Variants in HSF2 observed in about 807,000 individuals in gnomAD.
HSF2 encodes heat shock factor protein 2.
HSF2 carries 21 observed loss-of-function variants against 65.0 expected under a neutral mutation model. The ratio of observed to expected loss-of-function variants is 0.32; its 90% CI spans 0.23 to 0.47. HSF2 has a LOEUF of 0.47. Among genes scored for constraint, HSF2 ranks in the 20% least tolerant of loss-of-function variants. The pLI is 1.00. For synonymous variants in HSF2, 225 were observed against 219.1 expected (o/e 1.03, Z -0.24); for missense variants, 499 against 628.1 (o/e 0.79, Z 2.20).
intron 12 of HSF2, 114 bp downstream of exon 12, chr6:122,431,628 G>T: frequency 1.7e-6 from 1 of 571,746 alleles, no homozygotes; most frequent in African/African-American, 2.0e-5. Context: ...TGTGAATAGT[G>T]TGTCGAGGTT....
chr6:122,406,019 A>G (rs1773860593), intron 1 of HSF2, among the ~76,000 whole-genome samples: 1 of 152,216 alleles, frequency 6.6e-6, no homozygotes, highest in Admixed American at 6.5e-5. Flanking sequence ...AGCTGCCTCC[A>G]CTGCAGAAGC....
intron 10 of HSF2, among the ~76,000 whole-genome samples, chr6:122,426,659 AG>A (rs1253055343): frequency 1.3e-5 from 2 of 152,120 alleles, no homozygotes; most frequent in Admixed American, 6.6e-5. Context: ...GGAATTTTAT[AG>A]GACTACCATG....
chr6:122,428,011 G>GTC (rs34191077), intron 11 of HSF2, 55 bp downstream of exon 11: 155,675 of 1,133,418 alleles, frequency 0.14, 11,755 homozygotes, highest in East Asian at 0.18. Flanking sequence ...CTACAAAAAC[G>GTC]TCCTAATAAG....
At position 122,421,957 on chromosome 6, in the gene HSF2, A is replaced by G. The variant is rs575463122; in HGVS notation, c.682-193A>G. Among the ~76,000 whole-genome samples the G allele has an allele frequency of 2.6e-5, 4 of 152,246 alleles. No homozygotes were observed. The South Asian group carries it at 8.3e-4, about 32-fold the overall frequency. On this transcript the variant is annotated intron_variant, in intron 7 of 12. Coordinates refer to ENST00000368455, the MANE Select transcript of HSF2 (RefSeq NM_004506.4). Reference sequence around the variant, plus strand: ...TAGTAAAGTGTAGAATGCAGTTAATATACCTCATACCTCTGTGAATTGGTG... The same window carrying G: ...TAGTAAAGTGTAGAATGCAGTTAATGTACCTCATACCTCTGTGAATTGGTG...
Position 122,399,733 on chromosome 6 carries a change from T to C in HSF2, c.-5T>C. On this transcript the variant is annotated 5_prime_UTR_variant, in exon 1 of 13. Transcript: ENST00000368455. ...AGAATTTGGAATCCCTGCGCCGCGT[T>C]AACAATGAAGCAGAGTTCGAACGTG... The C allele has an allele frequency of 1.9e-6, 3 of 1,608,730 alleles. No homozygotes were observed. Among genetic ancestry groups the C allele is most frequent in the Non-Finnish European group, 2.5e-6 (3 of 1,177,318 alleles).
At chr6:122,416,359 C>A in intron 5 of HSF2, 63 bp downstream of exon 5, 3 of 1,043,262 alleles carry the variant, frequency 2.9e-6, no homozygotes, top group Admixed American at 1.9e-5. Flanking sequence ...GTTTGTGACC[C>A]AAAAAGGTCT....
In HSF2 at chr6:122,422,819, C is replaced by A. The variant is rs754364398; in HGVS notation, c.932C>A (p.Ser311Tyr). Residue 311 changes from serine to tyrosine, a missense_variant, in exon 9 of 13, where the codon TCC becomes TAC. Physicochemically the swap from Ser to Tyr is moderately radical, Grantham distance 144. Transcript: ENST00000368455. ...GAGCAGAATGAACCAGCCAGAGAATCCCTAAGTTCAGGCAGTGATGGCAGC... is the reference window on the plus strand; with the variant it reads ...GAGCAGAATGAACCAGCCAGAGAATACCTAAGTTCAGGCAGTGATGGCAGC... ...SGEQNEPARE[S>Y]LSSGSDGSSP... 6.2e-7 allele frequency: 1 copy of A among 1,613,756 alleles called. No individual in the cohort carries two copies. Among genetic ancestry groups the A allele is most frequent in the East Asian group, 2.2e-5 (1 of 44,868 alleles).
intron 1 of HSF2, among the ~76,000 whole-genome samples, chr6:122,408,974 G>A (rs2114427114): frequency 6.6e-6 from 1 of 151,878 alleles, no homozygotes; most frequent in Non-Finnish European, 1.5e-5. Flanking sequence ...AACATACTGA[G>A]TTAAAGAACA....
In HSF2 at chr6:122,416,171, T is replaced by G. The variant is rs45461293; in HGVS notation, c.456-50T>G. Reference sequence around the variant, plus strand: ...TTAATTAAAGATACTATGGTCTGGTTTTTTGATTGATTTTTTTTTTGTTTT... The same window carrying G: ...TTAATTAAAGATACTATGGTCTGGTGTTTTGATTGATTTTTTTTTTGTTTT... On this transcript the variant is annotated intron_variant, in intron 4 of 12. Coordinates refer to ENST00000368455, the MANE Select transcript of HSF2 (RefSeq NM_004506.4). 3,109 of 1,187,864 alleles carry G rather than the reference T, an allele frequency of 2.6e-3. 76 individuals are homozygous for G. The African/African-American group carries it at 0.043, about 17-fold the overall frequency. The allele number at this position is 1,187,864 out of a possible 1,614,324, so 73.6% of individuals were successfully genotyped here.
chr6:122,430,962 T>A (rs1373568226), intron 11 of HSF2, among the ~76,000 whole-genome samples: 1 of 152,170 alleles, frequency 6.6e-6, no homozygotes, highest in Non-Finnish European at 1.5e-5. Context: ...AAGGATGTCA[T>A]TATGTCATCC....
chr6:122,421,019 T>A (rs1052182132), intron 7 of HSF2, among the ~76,000 whole-genome samples: 2 of 151,982 alleles, frequency 1.3e-5, no homozygotes, highest in Non-Finnish European at 2.9e-5. Flanking sequence ...GCTTACTCAT[T>A]TCAATATTAT....
chr6:122,422,587 G>A, intron 8 of HSF2, 131 bp from the exon 9 acceptor site: 2 of 914,000 alleles, frequency 2.2e-6, no homozygotes, highest in Non-Finnish European at 3.5e-6. Flanking sequence ...TTGTGATTAA[G>A]CTGCTCGCTC....
intron 1 of HSF2, among the ~76,000 whole-genome samples, chr6:122,402,550 T>C (rs1773760821): frequency 6.6e-6 from 1 of 152,038 alleles, no homozygotes; most frequent in African/African-American, 2.4e-5. Context: ...TATATCACAC[T>C]ATATCATATT....
chr6:122,416,786 G>C lies in HSF2; in HGVS notation c.531+490G>C, dbSNP rs115262713. On this transcript the variant is annotated intron_variant, in intron 5 of 12. Coordinates refer to ENST00000368455, the MANE Select transcript of HSF2 (RefSeq NM_004506.4). ...TGTTATTAGTCTGTGGAGAAAAGCA[G>C]TTAACATAGTGTTGTAAAATGAATT... 1.7e-3 allele frequency among the ~76,000 whole-genome samples: 252 copies of C among 152,292 alleles called. 1 individual carries two copies. Among genetic ancestry groups the C allele is most frequent in the African/African-American group, 5.6e-3 (233 of 41,576 alleles).
chr6:122,432,399 TACTC>T lies in HSF2; in HGVS notation c.*181_*184del, dbSNP rs1421556314. 30 of 574,318 alleles carry T rather than the reference TACTC, an allele frequency of 5.2e-5. No individual in the cohort carries two copies. The highest frequency in any genetic ancestry group is 8.0e-5 in the Non-Finnish European group (26 of 325,734). The allele number at this position is 574,318 out of a possible 1,614,324, so 35.6% of individuals were successfully genotyped here. ...ACACTCTTGCAGAGCTTTCAGGTGT[TACTC>T]AGCTGCATAGTTACGCAGATGTAAT... On this transcript the variant is annotated 3_prime_UTR_variant, in exon 13 of 13. Coordinates refer to ENST00000368455, the MANE Select transcript of HSF2 (RefSeq NM_004506.4).
chr6:122,428,153 C>T (rs1774378913), intron 11 of HSF2, among the ~76,000 whole-genome samples, 197 bp downstream of exon 11: 1 of 152,116 alleles, frequency 6.6e-6, no homozygotes, highest in South Asian at 2.1e-4. Context: ...ACTTTTGGCA[C>T]TTGTGGGATT....
rs1213872068 is a variant in HSF2 at position 122,419,165 on chromosome 6, C to A, written c.532-3C>A. ...AAATAATTTTTGTTTATATTTTTTT[C>A]AGATTGTCCAGTTTATTGTTACATT... On this transcript the variant is annotated splice_polypyrimidine_tract_variant and splice_region_variant and intron_variant, in intron 5 of 12. Coordinates refer to ENST00000368455, the MANE Select transcript of HSF2 (RefSeq NM_004506.4). The A allele has an allele frequency of 5.8e-6, 8 of 1,388,480 alleles. No homozygotes were observed. The highest frequency in any genetic ancestry group is 8.1e-6 in the Non-Finnish European group (8 of 985,260). The allele number at this position is 1,388,480 out of a possible 1,614,324, so 86.0% of individuals were successfully genotyped here.
Position 122,411,348 on chromosome 6 carries a change from G to A in HSF2, c.94-1025G>A, listed in dbSNP as rs1433686082. Among the ~76,000 whole-genome samples the A allele has an allele frequency of 3.3e-5, 5 of 151,734 alleles. No homozygotes were observed. In the East Asian group the frequency reaches 7.7e-4, roughly 23 times the overall value. ...GTTCTTTTTGAATTTTAAGAGTTAT[G>A]TCTATGTTCTGGATATTAACTCCTG... On this transcript the variant is annotated intron_variant, in intron 1 of 12. Transcript: ENST00000368455.
chr6:122,426,201 C>T (rs1204050822), intron 10 of HSF2, among the ~76,000 whole-genome samples: 1 of 152,060 alleles, frequency 6.6e-6, no homozygotes. Flanking sequence ...GCTTTGTTCT[C>T]TGAGATGACA....
Sources: gnomAD v4.1 joint callset for allele counts (sites outside exome capture counted in the v4.1 genomes callset) on GRCh38, gnomAD v4.1.1 for gene constraint, MANE v1.5 for transcripts, NCBI Gene and HGNC (gene_info 2026-07-23, HGNC 2026-07-21) for gene names.